The following CENPP variants were observed in gnomAD, a reference collection of about 807,000 sequenced individuals.
The protein encoded by CENPP is centromere protein P.
A neutral mutation model predicts 35.6 loss-of-function variants in CENPP; 24 were observed. The observed-to-expected ratio is 0.67, with a 90% CI of 0.49 to 0.95. CENPP has a LOEUF of 0.95. Ranked by LOEUF, CENPP falls within the 40% of genes least tolerant of loss-of-function variation. CENPP has a pLI of 0.00. For missense variants in CENPP, 332 were observed against 345.3 expected (o/e 0.96, Z 0.31); for synonymous variants, 120 against 125.5 (o/e 0.96, Z 0.29).
chr9:92,592,422 C>T (rs1588302237), intron 5 of CENPP, among the ~76,000 whole-genome samples: 1 of 152,272 alleles, frequency 6.6e-6, no homozygotes, highest in East Asian at 1.9e-4. Context: ...TTCTTTTGCT[C>T]CCTGTTGTTT....
chr9:92,584,004 A>G (rs565884256), intron 5 of CENPP, among the ~76,000 whole-genome samples: 3 of 152,326 alleles, frequency 2.0e-5, no homozygotes, highest in African/African-American at 7.2e-5. Flanking sequence ...TACAAGCCCC[A>G]TGCAAGCATT....
intron 5 of CENPP, chr9:92,464,946 C>T (rs934558567): frequency 1.2e-6 from 2 of 1,612,754 alleles, no homozygotes; most frequent in Non-Finnish European, 1.7e-6. Flanking sequence ...AGTTTTGCTT[C>T]TGCAATTCTG....
At chr9:92,436,954 C>T (rs1588128898) in intron 5 of CENPP, among the ~76,000 whole-genome samples, 1 of 152,136 alleles carries the variant, frequency 6.6e-6, no homozygotes. Context: ...AATCCCAGCA[C>T]TTTGGGAGGC....
chr9:92,613,445 C>T lies in CENPP; in HGVS notation c.*296C>T. 1 of 329,352 alleles carries T rather than the reference C, an allele frequency of 3.0e-6. No individual in the cohort carries two copies. The highest frequency in any genetic ancestry group is 2.9e-5 in the South Asian group (1 of 34,810). 20.4% of individuals were successfully genotyped at this position (329,352 alleles called of 1,614,324 possible). On this transcript the variant is annotated 3_prime_UTR_variant, in exon 8 of 8. Coordinates refer to ENST00000375587, the MANE Select transcript of CENPP (RefSeq NM_001012267.3). Reference sequence around the variant, plus strand: ...CAGATGTGTGGGGAGGATCCATCCCCCACCCACTGCAGCCTCACACCGAGT... The same window carrying T: ...CAGATGTGTGGGGAGGATCCATCCCTCACCCACTGCAGCCTCACACCGAGT...
At chr9:92,567,373 G>GATAGATATATAT (rs1554688237) in intron 5 of CENPP, among the ~76,000 whole-genome samples, 7 of 129,090 alleles carry the variant, frequency 5.4e-5, no homozygotes, top group African/African-American at 1.7e-4. Context: ...ACATAAGATA[G>GATAGATATATAT]ATATATATAT....
At chr9:92,481,063 ATGTC>A (rs1246790481) in intron 5 of CENPP, among the ~76,000 whole-genome samples, 1 of 152,134 alleles carries the variant, frequency 6.6e-6, no homozygotes, top group African/African-American at 2.4e-5. Flanking sequence ...ATTTCTCCAC[ATGTC>A]TAGCAATCAA....
At chr9:92,506,139 T>TG (rs1443433758) in intron 5 of CENPP, among the ~76,000 whole-genome samples, 2 of 152,088 alleles carry the variant, frequency 1.3e-5, no homozygotes, top group Non-Finnish European at 2.9e-5. Flanking sequence ...TAATAGGCAA[T>TG]GGGGTGGGTA....
At chr9:92,428,644 A>G (rs540989706) in intron 5 of CENPP, among the ~76,000 whole-genome samples, 8 of 152,182 alleles carry the variant, frequency 5.3e-5, no homozygotes, top group Admixed American at 2.0e-4. Flanking sequence ...TCTCCAAGCA[A>G]TTTTCTTCTT....
rs1419426431 is a variant in CENPP, at chr9:92,470,857, A to AT, written c.564+91004dup. ...GATTACTAATATGGTAGAAATATAC[A>AT]TTTTTTAAAACCCATGATTATCATC... On this transcript the variant is annotated intron_variant, in intron 5 of 7. Transcript: ENST00000375587. 3.3e-6 allele frequency: 3 copies of AT among 902,918 alleles called. No homozygotes were observed. In the Admixed American group the frequency reaches 8.4e-5, roughly 25 times the overall value. The allele number at this position is 902,918 out of a possible 1,614,324, so 55.9% of individuals were successfully genotyped here.
Position 92,567,717 on chromosome 9 carries a change from CAG to C in CENPP, c.565-43594_565-43593del, listed in dbSNP as rs1850030002. ...TATGTATACAGATGTAATTTTGTGA[CAG>C]AGCTGTTAAAGTAACAGAGATTAGG... On this transcript the variant is annotated intron_variant, in intron 5 of 7. Coordinates refer to ENST00000375587, the MANE Select transcript of CENPP (RefSeq NM_001012267.3). Among the ~76,000 whole-genome samples, 4 of 152,104 alleles carry C rather than the reference CAG, an allele frequency of 2.6e-5. No individual in the cohort carries two copies. In the Middle Eastern group the frequency reaches 0.01, roughly 391 times the overall value.
chr9:92,471,293 T>C (rs1171546087), intron 5 of CENPP, among the ~76,000 whole-genome samples: 10 of 150,912 alleles, frequency 6.6e-5, no homozygotes, highest in African/African-American at 2.4e-4. Context: ...GCCTCCCGGG[T>C]TCCAGCAGTT....
intron 4 of CENPP, among the ~76,000 whole-genome samples, chr9:92,356,606 A>T (rs1295682276): frequency 6.6e-6 from 1 of 152,264 alleles, no homozygotes; most frequent in East Asian, 1.9e-4. Context: ...ATAAGAAATT[A>T]TAAAAGTATT....
intron 5 of CENPP, chr9:92,416,963 T>A (rs1220865474): frequency 6.2e-7 from 1 of 1,613,982 alleles, no homozygotes; most frequent in Non-Finnish European, 8.5e-7. Context: ...CAGAGAATCA[T>A]GAAGATAATT....
intron 5 of CENPP, among the ~76,000 whole-genome samples, chr9:92,577,023 GTATTAAAAAGAA>G (rs1300787491): frequency 6.6e-6 from 1 of 152,066 alleles, no homozygotes; most frequent in Non-Finnish European, 1.5e-5. Flanking sequence ...AGAATGGTGG[GTATTAAAAAGAA>G]TATTAAAAAG....
At position 92,616,411 on chromosome 9, in the gene CENPP, T is replaced by TC. The variant is rs1251048198; in HGVS notation, c.*3267dup. The TC allele has an allele frequency of 5.0e-6, 1 of 199,146 alleles. No individual in the cohort carries two copies. The highest frequency in any genetic ancestry group is 2.3e-5 in the African/African-American group (1 of 42,830). 12.3% of individuals were successfully genotyped at this position (199,146 alleles called of 1,614,324 possible). On this transcript the variant is annotated 3_prime_UTR_variant, in exon 8 of 8. Transcript: ENST00000375587. The stretch of plus-strand genomic sequence containing the variant: ...ATTATGTGGAACATGTGAGCGATGT[T>TC]CCCCCAGCCCAGTGGTATAAACGAA...
chr9:92,496,608 T>G (rs1238760163), intron 5 of CENPP: 1 of 1,196,488 alleles, frequency 8.4e-7, no homozygotes, highest in Non-Finnish European at 1.1e-6. Context: ...TAGACCAGAA[T>G]AAATTCCAAC....
At chr9:92,533,826 T>C (rs1209874300) in intron 5 of CENPP, among the ~76,000 whole-genome samples, 4 of 152,166 alleles carry the variant, frequency 2.6e-5, no homozygotes, top group Non-Finnish European at 5.9e-5. Context: ...TAGATATTTG[T>C]CCATTATTTC....
At chr9:92,502,239 G>A (rs1024714731) in intron 5 of CENPP, among the ~76,000 whole-genome samples, 3 of 152,140 alleles carry the variant, frequency 2.0e-5, no homozygotes, top group African/African-American at 2.4e-5. Context: ...CTCAGCACTT[G>A]GCATATGATA....
chr9:92,349,064 T>C (rs1841376213), intron 4 of CENPP, among the ~76,000 whole-genome samples: 1 of 152,238 alleles, frequency 6.6e-6, no homozygotes, highest in South Asian at 2.1e-4. Context: ...TATTTTGCCC[T>C]GTGTCACTCT....
Sources: allele counts gnomAD v4.1 joint callset (sites outside exome capture counted in the v4.1 genomes callset), GRCh38; gene constraint gnomAD v4.1.1; transcripts MANE v1.5; gene names NCBI Gene and HGNC (gene_info 2026-07-23, HGNC 2026-07-21).